Variants in BLVRB observed in about 807,000 individuals in gnomAD.
BLVRB encodes biliverdin reductase B, also known as flavin reductase (NADPH).
In BLVRB, 25 loss-of-function variants were observed where a neutral mutation model predicts 21.1. The observed-to-expected ratio is 1.19, with a 90% CI of 0.86 to 1.66. The LOEUF (loss-of-function observed/expected upper bound fraction) is 1.66. Among genes scored for constraint, BLVRB ranks in the 40% most tolerant of loss-of-function variants. BLVRB has a pLI of 0.00. For missense variants in BLVRB, 274 were observed against 282.7 expected (o/e 0.97, Z 0.22); for synonymous variants, 128 against 122.2 (o/e 1.05, Z -0.31).
chr19:40,448,608 A>ATAACAACAACAAATATATATAT (rs1249673226), intron 4 of BLVRB, among the ~76,000 whole-genome samples: 3 of 126,382 alleles, frequency 2.4e-5, no homozygotes, highest in African/African-American at 8.5e-5. Context: ...AACAACAACA[A>ATAACAACAACAAATATATATAT]ATATATATAT....
intron 1 of BLVRB, 151 bp downstream of exon 1, chr19:40,465,458 GC>G: frequency 1.1e-6 from 1 of 888,106 alleles, no homozygotes; most frequent in Non-Finnish European, 1.7e-6. Context: ...CCCCATTTCT[GC>G]CCCCGTGGCC....
intron 4 of BLVRB, among the ~76,000 whole-genome samples, chr19:40,449,990 G>C (rs1294958470): frequency 6.6e-6 from 1 of 151,112 alleles, no homozygotes; most frequent in African/African-American, 2.4e-5. Flanking sequence ...ACGAGGTCAA[G>C]AGATCGAGAC....
rs570773592 is a variant in BLVRB at position 40,456,829 on chromosome 19, C to A, written c.334+1326G>T. Reference sequence around the variant, plus strand: ...TGTGGGCCACGATCTTGGTCCCAGGCACCATGAACCCGGGAGGTGGAGTGG... The same window carrying A: ...TGTGGGCCACGATCTTGGTCCCAGGAACCATGAACCCGGGAGGTGGAGTGG... On this transcript the variant is annotated intron_variant, in intron 3 of 4. Coordinates refer to ENST00000263368, the MANE Select transcript of BLVRB (RefSeq NM_000713.3). 3.9e-5 allele frequency among the ~76,000 whole-genome samples: 6 copies of A among 151,930 alleles called. No homozygotes were observed. In the East Asian group the frequency reaches 9.8e-4, roughly 25 times the overall value.
chr19:40,448,812 C>G (rs546183150), intron 4 of BLVRB, among the ~76,000 whole-genome samples: 35 of 151,834 alleles, frequency 2.3e-4, no homozygotes, highest in Non-Finnish European at 5.0e-4. Context: ...CCTGCCCTGG[C>G]TGGGCACAGT....
intron 1 of BLVRB, among the ~76,000 whole-genome samples, chr19:40,460,275 T>TATATATATATA (rs1555806375): frequency 1.3e-4 from 18 of 134,406 alleles, no homozygotes; most frequent in African/African-American, 2.9e-4. Context: ...TATATATATA[T>TATATATATATA]TTAGAGACAG....
At chr19:40,462,322 A>G (rs1188011685) in intron 1 of BLVRB, among the ~76,000 whole-genome samples, 1 of 141,734 alleles carries the variant, frequency 7.1e-6, no homozygotes, top group East Asian at 2.1e-4. Flanking sequence ...TCTCTTGCCC[A>G]GGCTGGAGTG....
chr19:40,453,807 G>T (rs1216592964), intron 3 of BLVRB, among the ~76,000 whole-genome samples: 1 of 152,090 alleles, frequency 6.6e-6, no homozygotes, highest in Non-Finnish European at 1.5e-5. Context: ...ACCTGGGTAC[G>T]ATGGTGAGAC....
In BLVRB at chr19:40,451,434, G is replaced by A; in HGVS notation, c.393C>T (p.Asp131=). The stretch of plus-strand genomic sequence containing the variant: ...GCAGCACCTTGTGCATCCGGATGTG[G>A]TCATCAGTCACAGCCTGCAGTCGTG... The part of the protein sequence containing the change: ...VPPRLQAVTD[D]HIRMHKVLRE... Residue 131 remains aspartate (D), a synonymous_variant, in exon 4 of 5, where the codon GAC becomes GAT. Coordinates refer to ENST00000263368, the MANE Select transcript of BLVRB (RefSeq NM_000713.3). 1 of 1,613,196 alleles carries A rather than the reference G, an allele frequency of 6.2e-7. No individual in the cohort carries two copies.
intron 1 of BLVRB, 148 bp downstream of exon 1, chr19:40,465,462 C>A: frequency 3.2e-6 from 3 of 936,608 alleles, no homozygotes; most frequent in East Asian, 5.3e-5. Context: ...ATTTCTGCCC[C>A]CGTGGCCACT....
chr19:40,450,962 A>T (rs537837478), intron 4 of BLVRB, among the ~76,000 whole-genome samples: 63 of 152,040 alleles, frequency 4.1e-4, no homozygotes, highest in South Asian at 6.2e-4. Context: ...AATCCCAGCT[A>T]CTCAGGAGGC....
chr19:40,462,820 A>T (rs948980867), intron 1 of BLVRB, among the ~76,000 whole-genome samples: 3 of 133,886 alleles, frequency 2.2e-5, no homozygotes, highest in Non-Finnish European at 3.1e-5. Flanking sequence ...TGAACTCGGG[A>T]GGCGGAGCTT....
At chr19:40,455,235 G>T (rs1266234089) in intron 3 of BLVRB, among the ~76,000 whole-genome samples, 1 of 152,202 alleles carries the variant, frequency 6.6e-6, no homozygotes, top group Non-Finnish European at 1.5e-5. Context: ...AAGCTCCTTA[G>T]ATGACAAAAA....
chr19:40,452,518 C>G (rs1449437456), intron 3 of BLVRB, among the ~76,000 whole-genome samples: 1 of 151,142 alleles, frequency 6.6e-6, no homozygotes, highest in Admixed American at 6.6e-5. Context: ...TTCCCTCTTG[C>G]CACCCAGGCT....
intron 1 of BLVRB, among the ~76,000 whole-genome samples, chr19:40,463,989 G>T (rs1434032902): frequency 6.6e-6 from 1 of 151,834 alleles, no homozygotes; most frequent in Non-Finnish European, 1.5e-5. Context: ...GGCTGGTCTC[G>T]AACTCCTGAC....
chr19:40,448,608 A>AATATATAT lies in BLVRB; in HGVS notation c.464-570_464-563dup, dbSNP rs55783717. On this transcript the variant is annotated intron_variant, in intron 4 of 4. Coordinates refer to ENST00000263368, the MANE Select transcript of BLVRB (RefSeq NM_000713.3). The stretch of plus-strand genomic sequence containing the variant: ...CTTGTCTCTAACAACAACAACAACA[A>AATATATAT]ATATATATATATATATATATATATA... 6.6e-3 allele frequency among the ~76,000 whole-genome samples: 830 copies of AATATATAT among 126,204 alleles called. 3 individuals carry two copies. The highest frequency in any genetic ancestry group is 7.7e-3 in the South Asian group (28 of 3,630). 82.8% of individuals were successfully genotyped at this position (126,204 alleles called of 152,430 possible).
Position 40,458,447 on chromosome 19 carries a change from C to A in BLVRB, c.178G>T (p.Asp60Tyr). The A allele has an allele frequency of 6.3e-7, 1 of 1,597,974 alleles. No homozygotes were observed. The highest frequency in any genetic ancestry group is 8.5e-7 in the Non-Finnish European group (1 of 1,172,958). ...TGCCCAGCCACGGTCTTGTCCACAT[C>A]GGCTGCCTGCAGAACATCTCCCACT... ...VVVGDVLQAADVDKTVAGQDA... is the reference protein window; with the variant it reads ...VVVGDVLQAAYVDKTVAGQDA... The change falls in exon 2 of 5, where the codon GAT (aspartate) becomes TAT (tyrosine). Residue 60 changes from aspartate to tyrosine, a missense_variant. Transcript: ENST00000263368.
At chr19:40,452,491 T>G (rs1169065999) in intron 3 of BLVRB, among the ~76,000 whole-genome samples, 1 of 151,822 alleles carries the variant, frequency 6.6e-6, no homozygotes, top group Non-Finnish European at 1.5e-5. Flanking sequence ...TTTTTTTTTT[T>G]TTGAGACAGA....
chr19:40,449,632 T>C (rs1417925652), intron 4 of BLVRB, among the ~76,000 whole-genome samples: 1 of 152,202 alleles, frequency 6.6e-6, no homozygotes, highest in Admixed American at 6.6e-5. Flanking sequence ...GCATGTTTTG[T>C]GTGCAAATAT....
chr19:40,458,561 A>T lies in BLVRB; in HGVS notation c.80-16T>A. 6.3e-7 allele frequency: 1 copy of T among 1,583,172 alleles called. No homozygotes were observed. The highest frequency in any genetic ancestry group is 8.6e-7 in the Non-Finnish European group (1 of 1,162,338). ...ACTTCGTAACCTGTGGGCAAAGAGG[A>T]GCAGAGAGCCTGGTCAGTGGGCTGG... is the stretch of plus-strand genomic sequence containing the variant. On this transcript the variant is annotated splice_polypyrimidine_tract_variant and intron_variant, in intron 1 of 4. Coordinates refer to ENST00000263368, the MANE Select transcript of BLVRB (RefSeq NM_000713.3).
Sources: gnomAD v4.1 joint callset for allele counts (sites outside exome capture counted in the v4.1 genomes callset) on GRCh38, gnomAD v4.1.1 for gene constraint, MANE v1.5 for transcripts, NCBI Gene and HGNC (gene_info 2026-07-23, HGNC 2026-07-21) for gene names.